SORBS2: variants seen among roughly 807,000 people sequenced by gnomAD.
The protein encoded by SORBS2 is sorbin and SH3 domain containing 2.
In SORBS2, 46 loss-of-function variants were observed where a neutral mutation model predicts 97.7. The observed-to-expected ratio is 0.47, with a 90% CI of 0.37 to 0.60. The LOEUF is 0.60. SORBS2 is among the 20% of genes least tolerant of loss of function. The pLI, the probability that SORBS2 is intolerant of heterozygous loss-of-function variation, is 0.00. For missense variants in SORBS2, 1,316 were observed against 1,282.3 expected, an observed-to-expected ratio of 1.03 and a Z score of -0.40; for synonymous variants, 476 against 473.4, an observed-to-expected ratio of 1.01 and a Z score of -0.07.
chr4:185,935,509 C>T (rs1579572097), intron 1 of SORBS2, among the ~76,000 whole-genome samples: 1 of 152,244 alleles, frequency 6.6e-6, no homozygotes, highest in African/African-American at 2.4e-5. Context: ...ATTCCAAGTG[C>T]TATAGCAATA....
At chr4:185,943,184 G>A (rs2099272930) in intron 1 of SORBS2, among the ~76,000 whole-genome samples, 2 of 152,188 alleles carry the variant, frequency 1.3e-5, no homozygotes, top group South Asian at 4.1e-4. Flanking sequence ...AGATATTCAG[G>A]AAAGATCCCT....
intron 12 of SORBS2, among the ~76,000 whole-genome samples, chr4:185,602,546 TAA>T (rs1477940356): frequency 6.6e-6 from 1 of 152,234 alleles, no homozygotes; most frequent in Non-Finnish European, 1.5e-5. Context: ...TGCACTGACT[TAA>T]CATGAGTTAA....
chr4:185,632,281 C>T lies in SORBS2; in HGVS notation c.397-1683G>A, dbSNP rs967261432. 3.9e-5 allele frequency among the ~76,000 whole-genome samples: 6 copies of T among 152,162 alleles called. No homozygotes were observed. The South Asian group carries it at 1.2e-3, about 32-fold the overall frequency. ...GAATCTTGTCTAGAAACAAAAGCAT[C>T]TCTGCATGAGAATATTCCCATCCTC... On this transcript the variant is annotated intron_variant, in intron 4 of 14. Transcript: ENST00000418609.
intron 1 of SORBS2, among the ~76,000 whole-genome samples, chr4:185,886,025 A>G (rs2099239235): frequency 6.6e-6 from 1 of 152,200 alleles, no homozygotes; most frequent in African/African-American, 2.4e-5. Context: ...CCCTTAGTAA[A>G]CCACATGACA....
At chr4:185,730,676 G>A (rs1292187028) in intron 2 of SORBS2, among the ~76,000 whole-genome samples, 1 of 152,246 alleles carries the variant, frequency 6.6e-6, no homozygotes, top group African/African-American at 2.4e-5. Flanking sequence ...CAACCGGGTT[G>A]CAGTAGTAAG....
intron 4 of SORBS2, 80 bp from the exon 16 acceptor site, chr4:185,635,491 G>A: frequency 1.9e-6 from 2 of 1,060,928 alleles, no homozygotes; most frequent in South Asian, 2.7e-5. Context: ...ATGAACATGT[G>A]GAAAAGGTGA....
rs769692583 is a variant in SORBS2 at position 185,652,745 on chromosome 4, G to A, written c.25-17C>T. The A allele has an allele frequency of 6.2e-6, 10 of 1,605,026 alleles. No homozygotes were observed. The highest frequency in any genetic ancestry group is 3.3e-5 in the Admixed American group (2 of 59,906). ...GTCGACTGTCTGTAATGAAGAGAGC[G>A]TCCAATGGTTACAAACTGGCTTCCA... is the stretch of plus-strand genomic sequence containing the variant. On this transcript the variant is annotated splice_polypyrimidine_tract_variant and intron_variant, in intron 1 of 14. Coordinates refer to ENST00000418609, the Ensembl canonical transcript of SORBS2.
intron 1 of SORBS2, among the ~76,000 whole-genome samples, chr4:185,798,552 G>A (rs542691954): frequency 6.6e-6 from 1 of 152,220 alleles, no homozygotes; most frequent in Admixed American, 6.5e-5. Context: ...ACACTTAATA[G>A]CTTTTTAAAA....
chr4:185,595,669 C>T (rs1445934670), intron 12 of SORBS2, among the ~76,000 whole-genome samples: 2 of 151,548 alleles, frequency 1.3e-5, no homozygotes, highest in South Asian at 2.1e-4. Context: ...TTTCAAATGT[C>T]TGCAGAATAA....
chr4:185,674,832 C>G (rs914936440), intron 4 of SORBS2, among the ~76,000 whole-genome samples: 1 of 152,182 alleles, frequency 6.6e-6, no homozygotes, highest in African/African-American at 2.4e-5. Flanking sequence ...TCAGTGAGGT[C>G]TATTGATATT....
intron 4 of SORBS2, 21 bp downstream of exon 13, chr4:185,646,647 T>C: frequency 6.7e-7 from 1 of 1,485,240 alleles, no homozygotes; most frequent in Non-Finnish European, 9.4e-7. Context: ...TGGCATATTC[T>C]GTTTAATGAC....
At chr4:185,744,071 TTCC>T (rs1160020121) in intron 2 of SORBS2, among the ~76,000 whole-genome samples, 2 of 131,762 alleles carry the variant, frequency 1.5e-5, no homozygotes, top group African/African-American at 2.9e-5. Flanking sequence ...CCCCCTTCCT[TTCC>T]TCCTCCTCTT....
chr4:185,855,551 A>G (rs2099220250), intron 1 of SORBS2, among the ~76,000 whole-genome samples: 1 of 152,206 alleles, frequency 6.6e-6, no homozygotes, highest in Non-Finnish European at 1.5e-5. Flanking sequence ...TTCCTTAAGT[A>G]CATTGATCTG....
intron 12 of SORBS2, 125 bp downstream of exon 24, chr4:185,611,653 AAC>A: frequency 1.4e-6 from 1 of 695,590 alleles, no homozygotes. Context: ...CACATGTAGA[AAC>A]ATAATATGTA....
intron 2 of SORBS2, among the ~76,000 whole-genome samples, chr4:185,714,684 A>T (rs1335066931): frequency 1.3e-5 from 2 of 152,174 alleles, no homozygotes; most frequent in Admixed American, 1.3e-4. Flanking sequence ...GAGCAAAGTC[A>T]TGTCTTCCAT....
At chr4:185,823,961 T>C (rs1000232221) in intron 1 of SORBS2, among the ~76,000 whole-genome samples, 18 of 152,182 alleles carry the variant, frequency 1.2e-4, no homozygotes, top group Admixed American at 6.5e-5. Context: ...TGATACCGTA[T>C]CTTAGGGTAG....
intron 2 of SORBS2, among the ~76,000 whole-genome samples, chr4:185,710,991 AC>A (rs1453382109): frequency 2.8e-5 from 4 of 142,796 alleles, no homozygotes; most frequent in Non-Finnish European, 4.8e-5. Flanking sequence ...TTTTTTAGAG[AC>A]AGGGTCTCTC....
chr4:185,669,379 T>G (rs2097672644), intron 4 of SORBS2, among the ~76,000 whole-genome samples: 1 of 152,210 alleles, frequency 6.6e-6, no homozygotes, highest in Non-Finnish European at 1.5e-5. Context: ...TAAAGCTTAC[T>G]GTCTCTAAGA....
chr4:185,679,914 A>G (rs1317802425), intron 2 of SORBS2, among the ~76,000 whole-genome samples: 1 of 152,222 alleles, frequency 6.6e-6, no homozygotes, highest in Non-Finnish European at 1.5e-5. Context: ...AAAATATTTG[A>G]TATGGGTTCT....
Sources: allele counts gnomAD v4.1 joint callset (sites outside exome capture counted in the v4.1 genomes callset), GRCh38; gene constraint gnomAD v4.1.1; transcripts MANE v1.5; gene names NCBI Gene and HGNC (gene_info 2026-07-23, HGNC 2026-07-21).